GRIA1: variants seen among roughly 807,000 people sequenced by gnomAD.
The protein encoded by GRIA1 is glutamate ionotropic receptor AMPA type subunit 1, also known as glutamate receptor 1.
GRIA1 carries 31 observed loss-of-function variants against 99.2 expected under a neutral mutation model. The ratio of observed to expected loss-of-function variants is 0.31; its 90% CI spans 0.23 to 0.42. The LOEUF is 0.42. Ranked by LOEUF, GRIA1 falls within the 10% of genes least tolerant of loss-of-function variation. GRIA1 has a pLI of 1.00. For missense variants in GRIA1, 782 were observed against 1,157.5 expected (o/e 0.68, Z 4.71); for synonymous variants, 438 against 432.4 (o/e 1.01, Z -0.16).
rs537564263 is a variant in GRIA1 at position 153,631,155 on chromosome 5, C to T, written c.221-15773C>T. ...TGAGAAATGAGAAAGAGGCTGTGCCCTCAAAAATTTGTCCTAAAAGGGGAA... is the reference window on the plus strand; with the variant it reads ...TGAGAAATGAGAAAGAGGCTGTGCCTTCAAAAATTTGTCCTAAAAGGGGAA... On this transcript the variant is annotated intron_variant, in intron 2 of 15. Transcript: ENST00000285900. 5.9e-5 allele frequency among the ~76,000 whole-genome samples: 9 copies of T among 152,300 alleles called. No individual in the cohort carries two copies. In the East Asian group the frequency reaches 1.7e-3, roughly 29 times the overall value.
chr5:153,732,925 C>CT (rs1288005494), intron 11 of GRIA1, among the ~76,000 whole-genome samples: 15,409 of 127,234 alleles, frequency 0.12, 1,023 homozygotes, highest in Non-Finnish European at 0.15. Flanking sequence ...AGTTAAATTT[C>CT]TTTTTTTTTT....
At chr5:153,800,863 G>T (rs1167886514) in intron 14 of GRIA1, among the ~76,000 whole-genome samples, 1 of 152,160 alleles carries the variant, frequency 6.6e-6, no homozygotes, top group Admixed American at 6.5e-5. Flanking sequence ...GGGCAATACG[G>T]TCCACCCCTT....
At chr5:153,531,223 G>A (rs896565285) in intron 2 of GRIA1, among the ~76,000 whole-genome samples, 11 of 152,180 alleles carry the variant, frequency 7.2e-5, no homozygotes, top group African/African-American at 2.7e-4. Flanking sequence ...AAGCCCACAT[G>A]GGGGTTGGGA....
intron 13 of GRIA1, among the ~76,000 whole-genome samples, chr5:153,780,414 G>T (rs1242419252): frequency 6.6e-6 from 1 of 152,176 alleles, no homozygotes; most frequent in African/African-American, 2.4e-5. Flanking sequence ...ATGAATCCCA[G>T]GTCTGCTAGT....
intron 2 of GRIA1, among the ~76,000 whole-genome samples, chr5:153,608,057 A>G (rs1765610938): frequency 6.6e-6 from 1 of 152,064 alleles, no homozygotes; most frequent in Non-Finnish European, 1.5e-5. Context: ...TCTACATCAC[A>G]GTTATTCTCT....
intron 2 of GRIA1, among the ~76,000 whole-genome samples, chr5:153,574,545 T>C (rs1032567281): frequency 2.6e-5 from 4 of 152,168 alleles, no homozygotes; most frequent in Non-Finnish European, 5.9e-5. Flanking sequence ...TGTCTATTTC[T>C]ACTTAAAGCT....
chr5:153,643,221 C>T (rs966677213), intron 2 of GRIA1, among the ~76,000 whole-genome samples: 2 of 152,160 alleles, frequency 1.3e-5, no homozygotes, highest in African/African-American at 4.8e-5. Context: ...TTAGACTAGA[C>T]TCTAGAATGT....
chr5:153,630,237 TA>T (rs1191546632), intron 2 of GRIA1, among the ~76,000 whole-genome samples: 1 of 148,256 alleles, frequency 6.7e-6, no homozygotes, highest in African/African-American at 2.4e-5. Flanking sequence ...TAATTAATGT[TA>T]GAAATAATAA....
At chr5:153,694,429 A>G (rs1364739042) in intron 8 of GRIA1, among the ~76,000 whole-genome samples, 8 of 152,260 alleles carry the variant, frequency 5.3e-5, no homozygotes, top group Non-Finnish European at 1.0e-4. Context: ...TCAACAGCAA[A>G]TTGAAAACAG....
At chr5:153,714,213 G>A (rs1260809276) in intron 11 of GRIA1, among the ~76,000 whole-genome samples, 1 of 152,126 alleles carries the variant, frequency 6.6e-6, no homozygotes, top group Non-Finnish European at 1.5e-5. Context: ...GGAACTCCAT[G>A]CAGACCAAAC....
chr5:153,794,385 A>G (rs1765503755), intron 13 of GRIA1, among the ~76,000 whole-genome samples: 1 of 152,216 alleles, frequency 6.6e-6, no homozygotes, highest in Admixed American at 6.5e-5. Context: ...AAAATACCCA[A>G]CTTCTGAAAA....
chr5:153,738,720 C>CT (rs55874747), intron 11 of GRIA1, among the ~76,000 whole-genome samples: 8,489 of 102,326 alleles, frequency 0.083, 536 homozygotes, highest in African/African-American at 0.092. Flanking sequence ...TCCATACCTT[C>CT]TTTTTTTTTT....
chr5:153,795,573 A>G, intron 14 of GRIA1: 1 of 1,606,726 alleles, frequency 6.2e-7, no homozygotes, highest in Non-Finnish European at 8.5e-7. Context: ...ATGTGGAAGC[A>G]AGGACTCCGG....
chr5:153,782,942 A>T (rs1309804405), intron 13 of GRIA1, among the ~76,000 whole-genome samples: 1 of 152,226 alleles, frequency 6.6e-6, no homozygotes, highest in Non-Finnish European at 1.5e-5. Context: ...AATGAGAGAT[A>T]CAGTGGAGCT....
intron 2 of GRIA1, among the ~76,000 whole-genome samples, chr5:153,523,951 G>A (rs890722342): frequency 3.9e-5 from 6 of 152,156 alleles, no homozygotes; most frequent in Non-Finnish European, 8.8e-5. Flanking sequence ...CTTAGGCAAC[G>A]GTTCTCAAGC....
chr5:153,770,151 G>T lies in GRIA1; in HGVS notation c.2023-17G>T. Reference sequence around the variant, plus strand: ...TCCAAGCGCACTTAATTCCAGCTTTGTTTCTGTCCCTACCAGAGGTCTAAA... The same window carrying T: ...TCCAAGCGCACTTAATTCCAGCTTTTTTTCTGTCCCTACCAGAGGTCTAAA... On this transcript the variant is annotated splice_polypyrimidine_tract_variant and intron_variant, in intron 12 of 15. Coordinates refer to ENST00000285900, the MANE Select transcript of GRIA1 (RefSeq NM_000827.4). 6.2e-7 allele frequency: 1 copy of T among 1,612,444 alleles called. No homozygotes were observed. The highest frequency in any genetic ancestry group is 1.1e-5 in the South Asian group (1 of 91,042).
At chr5:153,573,865 G>A (rs1178807706) in intron 2 of GRIA1, among the ~76,000 whole-genome samples, 1 of 152,172 alleles carries the variant, frequency 6.6e-6, no homozygotes, top group Non-Finnish European at 1.5e-5. Context: ...CAAGACTAAA[G>A]GCTCTGTCCC....
chr5:153,794,940 G>A, intron 14 of GRIA1, among the ~76,000 whole-genome samples: 1 of 152,144 alleles, frequency 6.6e-6, no homozygotes, highest in South Asian at 2.1e-4. Flanking sequence ...GTTTACCACA[G>A]TTTCCAGTCC....
chr5:153,622,885 G>T (rs973986292), intron 2 of GRIA1, among the ~76,000 whole-genome samples: 18 of 152,290 alleles, frequency 1.2e-4, no homozygotes, highest in Admixed American at 1.2e-3. Context: ...AGTTCAGGGT[G>T]TTTGCAGAGG....
Sources: allele counts gnomAD v4.1 joint callset (sites outside exome capture counted in the v4.1 genomes callset), GRCh38; gene constraint gnomAD v4.1.1; transcripts MANE v1.5; gene names NCBI Gene and HGNC (gene_info 2026-07-23, HGNC 2026-07-21).